COL17A1: variants seen among roughly 807,000 people sequenced by gnomAD.
The protein encoded by COL17A1 is collagen alpha-1(XVII) chain.
In COL17A1, 181 loss-of-function variants were observed where a neutral mutation model predicts 218.4. The observed-to-expected ratio is 0.83, with a 90% confidence interval of 0.73 to 0.94. The LOEUF (loss-of-function observed/expected upper bound fraction) is 0.94. Among genes scored for constraint, COL17A1 ranks in the 40% least tolerant of loss-of-function variants. The pLI is 0.00. For synonymous variants in COL17A1, 721 were observed against 731.0 expected, an observed-to-expected ratio of 0.99 and a Z score of 0.22; for missense variants, 1,924 against 1,945.9, an observed-to-expected ratio of 0.99 and a Z score of 0.21.
intron 28 of COL17A1, 65 bp downstream of exon 28, chr10:104,050,024 C>G (rs2086452155): frequency 6.2e-7 from 1 of 1,612,342 alleles, no homozygotes; most frequent in African/African-American, 1.3e-5. Context: ...TTTTTTCCAA[C>G]CTAGTGACTG....
At chr10:104,053,820 G>A in intron 22 of COL17A1, 100 bp downstream of exon 22, 1 of 760,582 alleles carries the variant, frequency 1.3e-6, no homozygotes, top group South Asian at 1.5e-5. Flanking sequence ...TCTCTCCAGA[G>A]CCTAAAACAA....
chr10:104,073,794 T>C (rs923324591), intron 6 of COL17A1, among the ~76,000 whole-genome samples: 1 of 152,002 alleles, frequency 6.6e-6, no homozygotes, highest in Non-Finnish European at 1.5e-5. Flanking sequence ...AAGCAAGCAA[T>C]AGTGGAGGTG....
Position 104,033,926 on chromosome 10 carries a change from C to G in COL17A1, c.4156+19G>C, listed in dbSNP as rs1272224457. On this transcript the variant is annotated intron_variant, in intron 52 of 55. Coordinates refer to ENST00000648076, the MANE Select transcript of COL17A1 (RefSeq NM_000494.4). Reference sequence around the variant, plus strand: ...ACGCTCCTTCCCCCCAGCACCAAGGCCTAAATGTCCCCACTTACGCTGCAT... The same window carrying G: ...ACGCTCCTTCCCCCCAGCACCAAGGGCTAAATGTCCCCACTTACGCTGCAT... 1 of 1,614,008 alleles carries G rather than the reference C, an allele frequency of 6.2e-7. No homozygotes were observed. Among genetic ancestry groups the G allele is most frequent in the Non-Finnish European group, 8.5e-7 (1 of 1,180,034 alleles).
intron 25 of COL17A1, among the ~76,000 whole-genome samples, chr10:104,051,155 A>G (rs2086465436): frequency 6.6e-6 from 1 of 152,188 alleles, no homozygotes; most frequent in Admixed American, 6.5e-5. Context: ...ACAGCTCAAG[A>G]TTCTCAAGAC....
chr10:104,053,255 C>G, intron 22 of COL17A1, 120 bp from the exon 23 acceptor site: 2 of 1,088,172 alleles, frequency 1.8e-6, no homozygotes, highest in African/African-American at 1.5e-5. Context: ...CTGCTTGCTT[C>G]TCTCCTGGAC....
rs568119964 is a variant in COL17A1 at position 104,058,705 on chromosome 10, G to A, written c.1223-515C>T. On this transcript the variant is annotated intron_variant, in intron 15 of 55. Transcript: ENST00000648076. ...TCCCAGGACTTTGGGAGGCCGAGGCGGGCAGATCACGAGGTCAGGAGTTCG... is the reference window on the plus strand; with the variant it reads ...TCCCAGGACTTTGGGAGGCCGAGGCAGGCAGATCACGAGGTCAGGAGTTCG... Among the ~76,000 whole-genome samples, 12 of 152,202 alleles carry A rather than the reference G, an allele frequency of 7.9e-5. No individual in the cohort carries two copies. The East Asian group carries it at 1.2e-3, about 15-fold the overall frequency.
chr10:104,079,258 C>T (rs190239059), intron 2 of COL17A1, among the ~76,000 whole-genome samples: 1 of 152,290 alleles, frequency 6.6e-6, no homozygotes, highest in East Asian at 1.9e-4. Context: ...CATGCTCTGA[C>T]TGTGGCCCTC....
At chr10:104,035,911 AGTGTGTATGAGT>A (rs1389341413) in intron 48 of COL17A1, among the ~76,000 whole-genome samples, 3 of 135,262 alleles carry the variant, frequency 2.2e-5, no homozygotes, top group Non-Finnish European at 3.1e-5. Context: ...TGTGTATGGG[AGTGTGTATGAGT>A]GTGTGTGTAT....
In COL17A1 at chr10:104,054,939, A is replaced by G. The variant is rs201517383; in HGVS notation, c.1744+42T>C. On this transcript the variant is annotated intron_variant, in intron 20 of 55. Coordinates refer to ENST00000648076, the MANE Select transcript of COL17A1 (RefSeq NM_000494.4). ...TTGCTGATTGTTTGAAACAATTAAC[A>G]CTTGCTAATATTTAAGGTAAAAATG... 6 of 1,613,902 alleles carry G rather than the reference A, an allele frequency of 3.7e-6. No individual in the cohort carries two copies. In the African/African-American group the frequency reaches 4.0e-5, roughly 11 times the overall value.
In COL17A1 at chr10:104,039,966, A is replaced by G. The variant is rs372320073; in HGVS notation, c.2788+7T>C. On this transcript the variant is annotated splice_region_variant and intron_variant, in intron 41 of 55. Transcript: ENST00000648076. ...CCAGGTTTTGTTTGATGCCGGCTCT[A>G]CTGTACCTTGGTGTCCTCTGGGGCC... The G allele has an allele frequency of 7.4e-6, 12 of 1,613,998 alleles. No individual in the cohort carries two copies. In the African/African-American group the frequency reaches 1.6e-4, roughly 22 times the overall value.
intron 29 of COL17A1, among the ~76,000 whole-genome samples, chr10:104,048,352 G>A (rs1210402897): frequency 3.9e-5 from 6 of 152,142 alleles, no homozygotes; most frequent in African/African-American, 1.4e-4. Context: ...CAAGCGCCTC[G>A]ATGCTCAATG....
intron 24 of COL17A1, among the ~76,000 whole-genome samples, 154 bp downstream of exon 24, chr10:104,052,001 G>A (rs532500257): frequency 6.6e-6 from 1 of 152,252 alleles, no homozygotes; most frequent in South Asian, 2.1e-4. Context: ...CTGCTTTTCT[G>A]GGGGATGCTC....
intron 7 of COL17A1, among the ~76,000 whole-genome samples, chr10:104,072,422 A>G (rs1289271657): frequency 6.6e-6 from 1 of 152,184 alleles, no homozygotes; most frequent in Non-Finnish European, 1.5e-5. Flanking sequence ...TCCTGCGTCC[A>G]TGGTCTCAGG....
At chr10:104,063,433 A>T (rs1180310104) in intron 11 of COL17A1, 1 of 379,190 alleles carries the variant, frequency 2.6e-6, no homozygotes, top group Non-Finnish European at 5.0e-6. Flanking sequence ...CTAAATTAAC[A>T]ATGCCTTTAC....
chr10:104,043,465 T>C (rs2086379463), intron 35 of COL17A1, 36 bp downstream of exon 35: 2 of 1,580,020 alleles, frequency 1.3e-6, no homozygotes, highest in African/African-American at 2.7e-5. Context: ...CCAAGACCTA[T>C]TGCTGATTTG....
intron 15 of COL17A1, 111 bp from the exon 16 acceptor site, chr10:104,058,301 A>G (rs2086550824): frequency 7.2e-7 from 1 of 1,381,684 alleles, no homozygotes; most frequent in Non-Finnish European, 1.0e-6. Context: ...CTTGCTTTCA[A>G]CGACGTGCAG....
At position 104,037,674 on chromosome 10, in the gene COL17A1, T is replaced by A. The variant is rs978940901; in HGVS notation, c.3170A>T (p.Tyr1057Phe). Residue 1057 changes from tyrosine to phenylalanine, a missense_variant, in exon 46 of 56, where the codon TAC (tyrosine) becomes TTC (phenylalanine). Transcript: ENST00000648076. ...CACAACGTGGCTTGCCAGCTCTGAG[T>A]AGTCGAAAGTCTCGCCTGTGATGGT... ...VTTITGETFD[Y>F]SELASHVVSY... The A allele has an allele frequency of 6.2e-7, 1 of 1,614,196 alleles. No homozygotes were observed. The highest frequency in any genetic ancestry group is 1.3e-5 in the African/African-American group (1 of 75,052).
rs751804651 is a variant in COL17A1, at chr10:104,034,612, G to T, written c.3766+9C>A. ...GTGCCTGGTGGGGCATCACCGTCGG[G>T]GCACCTACTTGTGAGGTAGCTGATC... On this transcript the variant is annotated intron_variant, in intron 51 of 55. Coordinates refer to ENST00000648076, the MANE Select transcript of COL17A1 (RefSeq NM_000494.4). 1.2e-6 allele frequency: 2 copies of T among 1,608,658 alleles called. No individual in the cohort carries two copies. Among genetic ancestry groups the T allele is most frequent in the Middle Eastern group, 1.6e-4 (1 of 6,078 alleles).
rs751195191 is a variant in COL17A1, at chr10:104,040,376, G to A, written c.2736C>T (p.Gly912=). 22 of 1,610,340 alleles carry A rather than the reference G, an allele frequency of 1.4e-5. No individual in the cohort carries two copies. The highest frequency in any genetic ancestry group is 1.8e-5 in the Non-Finnish European group (21 of 1,176,736). ...CTTGGTCTCCCTTGGGACCTGGGGG[G>A]CCAGGTGGGCCTGGGGGGCCGGAGA... ...TFLSGPPGPP[G]PPGPKGDQGP... The change falls in exon 40 of 56, where the codon GGC becomes GGT. Residue 912 remains glycine, a synonymous_variant. Transcript: ENST00000648076.
Sources: gnomAD v4.1 joint callset for allele counts (sites outside exome capture counted in the v4.1 genomes callset) on GRCh38, gnomAD v4.1.1 for gene constraint, MANE v1.5 for transcripts, NCBI Gene and HGNC (gene_info 2026-07-23, HGNC 2026-07-21) for gene names.